Variants in SLC9C1 observed in about 807,000 individuals in gnomAD.
SLC9C1 encodes solute carrier family 9 member C1.
Under a neutral mutation model 140.9 loss-of-function variants are expected in SLC9C1, and 97 were observed. That is an observed-to-expected ratio of 0.69 (90% CI 0.58 to 0.82). The LOEUF (loss-of-function observed/expected upper bound fraction) is 0.82, where lower values mean the gene tolerates loss of function less well. Among genes scored for constraint, SLC9C1 ranks in the 40% least tolerant of loss-of-function variants. The pLI is 0.00. For synonymous variants in SLC9C1, 440 were observed against 442.6 expected, an observed-to-expected ratio of 0.99 and a Z score of 0.07; for missense variants, 1,340 against 1,389.3, an observed-to-expected ratio of 0.96 and a Z score of 0.56.
At chr3:112,251,019 A>C (rs1191926526) in intron 10 of SLC9C1, among the ~76,000 whole-genome samples, 1 of 152,328 alleles carries the variant, frequency 6.6e-6, no homozygotes, top group Middle Eastern at 3.4e-3. Flanking sequence ...CTGGATAAAG[A>C]AAATGTGGTA....
At chr3:112,230,923 G>A (rs1426235399) in intron 13 of SLC9C1, among the ~76,000 whole-genome samples, 1 of 152,140 alleles carries the variant, frequency 6.6e-6, no homozygotes, top group Admixed American at 6.6e-5. Flanking sequence ...GGATTTGGCT[G>A]TATCATTACA....
At chr3:112,238,720 C>G (rs915791237) in intron 12 of SLC9C1, among the ~76,000 whole-genome samples, 1 of 152,180 alleles carries the variant, frequency 6.6e-6, no homozygotes, top group Non-Finnish European at 1.5e-5. Context: ...GCTGGAGGTC[C>G]ACTCCAGACC....
chr3:112,154,092 T>C (rs377715374), intron 27 of SLC9C1, among the ~76,000 whole-genome samples: 1,480 of 12,376 alleles, frequency 0.12, 10 homozygotes, highest in Non-Finnish European at 0.3. Context: ...ACAAAAGGAG[T>C]GTCTGTTCTC....
At chr3:112,231,591 G>T in intron 12 of SLC9C1, 105 bp from the exon 13 acceptor site, 2 of 1,093,532 alleles carry the variant, frequency 1.8e-6, no homozygotes, top group Non-Finnish European at 2.6e-6. Flanking sequence ...AAAAATGGTA[G>T]CAAATCTGGT....
intron 10 of SLC9C1, among the ~76,000 whole-genome samples, chr3:112,245,690 C>T (rs528745422): frequency 1.3e-5 from 2 of 152,092 alleles, no homozygotes; most frequent in South Asian, 4.2e-4. Flanking sequence ...ATTATTAGGG[C>T]TATCCTCAGT....
chr3:112,285,130 G>T (rs1420937663), intron 2 of SLC9C1, among the ~76,000 whole-genome samples: 1 of 151,644 alleles, frequency 6.6e-6, no homozygotes, highest in Non-Finnish European at 1.5e-5. Flanking sequence ...GGGACTACAG[G>T]TGCCTGCCAC....
chr3:112,173,056 C>G (rs1005296661), intron 23 of SLC9C1, among the ~76,000 whole-genome samples: 5 of 151,954 alleles, frequency 3.3e-5, no homozygotes, highest in African/African-American at 1.2e-4. Flanking sequence ...TGCACTGGCC[C>G]CATAAAATGC....
At chr3:112,183,218 G>A (rs1020908893) in intron 20 of SLC9C1, among the ~76,000 whole-genome samples, 5 of 151,656 alleles carry the variant, frequency 3.3e-5, no homozygotes, top group Non-Finnish European at 5.9e-5. Flanking sequence ...TAATGTTCCC[G>A]TTGTTCCACC....
chr3:112,233,257 A>G (rs1429133447), intron 12 of SLC9C1, among the ~76,000 whole-genome samples: 1 of 151,648 alleles, frequency 6.6e-6, no homozygotes, highest in Non-Finnish European at 1.5e-5. Flanking sequence ...TTATAGACAC[A>G]TGGTTTTGGC....
intron 15 of SLC9C1, among the ~76,000 whole-genome samples, chr3:112,216,965 T>A (rs373894313): frequency 6.6e-6 from 1 of 152,086 alleles, no homozygotes; most frequent in Non-Finnish European, 1.5e-5. Context: ...CAAATGTCCA[T>A]CAATGATAGA....
chr3:112,264,790 A>G (rs2079874177), intron 8 of SLC9C1, among the ~76,000 whole-genome samples: 1 of 152,028 alleles, frequency 6.6e-6, no homozygotes, highest in African/African-American at 2.4e-5. Flanking sequence ...GTTGGTACAT[A>G]CCATATTTTA....
chr3:112,144,777 T>C (rs945483887), intron 28 of SLC9C1, among the ~76,000 whole-genome samples: 3 of 152,198 alleles, frequency 2.0e-5, no homozygotes, highest in African/African-American at 4.8e-5. Context: ...TGCTACTGAT[T>C]TTTGTACATT....
At chr3:112,206,823 T>A (rs925458079) in intron 16 of SLC9C1, among the ~76,000 whole-genome samples, 1 of 135,162 alleles carries the variant, frequency 7.4e-6, no homozygotes, top group East Asian at 2.2e-4. Context: ...GCAAGGAACA[T>A]CACACACCGG....
intron 20 of SLC9C1, among the ~76,000 whole-genome samples, chr3:112,196,202 T>C (rs1165812348): frequency 6.6e-6 from 1 of 152,040 alleles, no homozygotes; most frequent in African/African-American, 2.4e-5. Flanking sequence ...TTTTTTCCAC[T>C]TCGAATATAT....
chr3:112,260,718 A>G (rs1484096704), intron 10 of SLC9C1, among the ~76,000 whole-genome samples: 1 of 152,118 alleles, frequency 6.6e-6, no homozygotes, highest in African/African-American at 2.4e-5. Flanking sequence ...TGGATTCACA[A>G]CTTAACCTAT....
At chr3:112,159,493 C>T (rs1259475654) in intron 26 of SLC9C1, among the ~76,000 whole-genome samples, 1 of 152,056 alleles carries the variant, frequency 6.6e-6, no homozygotes, top group African/African-American at 2.4e-5. Flanking sequence ...GTGGCCTATC[C>T]TGGAGAATAT....
Position 112,204,305 on chromosome 3 carries a change from T to C in SLC9C1, c.2085A>G (p.Ile695Met), listed in dbSNP as rs553608522. The C allele has an allele frequency of 1.3e-6, 2 of 1,566,230 alleles. No individual in the cohort carries two copies. Among genetic ancestry groups the C allele is most frequent in the African/African-American group, 2.8e-5 (2 of 72,110 alleles). ...IGILHVILIE[I>M]DTIKYIFNET... Reference sequence around the variant, plus strand: ...CATTAAAAATATACTTAATGGTGTCTATTTCAATAAGTATTACATGTAAGA... The same window carrying C: ...CATTAAAAATATACTTAATGGTGTCCATTTCAATAAGTATTACATGTAAGA... The change falls in exon 17 of 29, where the codon ATA (isoleucine) becomes ATG (methionine). Residue 695 changes from isoleucine to methionine, a missense_variant. By Grantham distance (10) the Ile-to-Met change is conservative. Transcript: ENST00000305815.
intron 14 of SLC9C1, 55 bp from the exon 15 acceptor site, chr3:112,217,616 ATGT>A (rs1231072452): frequency 1.3e-5 from 19 of 1,474,244 alleles, no homozygotes; most frequent in Admixed American, 2.3e-5. Context: ...GATAAGTTTA[ATGT>A]TGTACTGGAA....
In SLC9C1 at chr3:112,199,471, T is replaced by A. The variant is rs752449793; in HGVS notation, c.2375-2A>T. ...CTGGGTGATCATACTCTAAGTAGCCTAAAAAATAACAAAATATTTTTAGAT... is the reference window on the plus strand; with the variant it reads ...CTGGGTGATCATACTCTAAGTAGCCAAAAAAATAACAAAATATTTTTAGAT... On this transcript the variant is annotated splice_acceptor_variant, in intron 19 of 28. Transcript: ENST00000305815. LOFTEE classifies it high-confidence loss of function. 13 of 1,552,000 alleles carry A rather than the reference T, an allele frequency of 8.4e-6. No homozygotes were observed. The highest frequency in any genetic ancestry group is 1.0e-5 in the Non-Finnish European group (12 of 1,157,230).
Sources: gnomAD v4.1 joint callset for allele counts (sites outside exome capture counted in the v4.1 genomes callset) on GRCh38, gnomAD v4.1.1 for gene constraint, MANE v1.5 for transcripts, NCBI Gene and HGNC (gene_info 2026-07-23, HGNC 2026-07-21) for gene names.